Variants in RELN observed in about 807,000 individuals in gnomAD.
RELN encodes reelin.
RELN carries 108 observed loss-of-function variants against 427.6 expected under a neutral mutation model. That is an observed-to-expected ratio of 0.25 (90% confidence interval 0.22 to 0.30). The LOEUF (loss-of-function observed/expected upper bound fraction) is 0.30. Ranked by LOEUF, RELN falls within the 10% of genes least tolerant of loss-of-function variation. The pLI, the probability that RELN is intolerant of heterozygous loss-of-function variation, is 1.00. For missense variants in RELN, 3,715 were observed against 4,302.8 expected, an observed-to-expected ratio of 0.86 and a Z score of 3.82; for synonymous variants, 1,524 against 1,513.4, an observed-to-expected ratio of 1.01 and a Z score of -0.16.
chr7:103,480,883 A>AGG (rs1483987033), intron 63 of RELN, among the ~76,000 whole-genome samples: 1 of 152,238 alleles, frequency 6.6e-6, no homozygotes, highest in East Asian at 1.9e-4. Context: ...ATAATAATGC[A>AGG]GGATAAGAAC....
intron 10 of RELN, among the ~76,000 whole-genome samples, chr7:103,695,445 T>C (rs985245119): frequency 7.2e-5 from 11 of 152,132 alleles, no homozygotes; most frequent in Non-Finnish European, 1.3e-4. Flanking sequence ...AAATGTGTGA[T>C]TGGAAAGCTT....
chr7:103,813,861 TTTTA>T (rs1288325930), intron 3 of RELN, among the ~76,000 whole-genome samples: 2 of 152,196 alleles, frequency 1.3e-5, no homozygotes, highest in Non-Finnish European at 2.9e-5. Context: ...ATCTTCATTC[TTTTA>T]TTTAAAGTTT....
At chr7:103,928,958 T>G (rs1292366382) in intron 1 of RELN, among the ~76,000 whole-genome samples, 1 of 152,178 alleles carries the variant, frequency 6.6e-6, no homozygotes, top group Non-Finnish European at 1.5e-5. Context: ...TAAAGAATAT[T>G]TAGCCAATGT....
At chr7:103,735,424 G>A (rs1049488048) in intron 6 of RELN, among the ~76,000 whole-genome samples, 1 of 152,082 alleles carries the variant, frequency 6.6e-6, no homozygotes, top group Non-Finnish European at 1.5e-5. Context: ...ATTGGGCACA[G>A]AGGAAGATGA....
intron 2 of RELN, among the ~76,000 whole-genome samples, chr7:103,896,182 A>C (rs1404785558): frequency 6.6e-6 from 1 of 152,108 alleles, no homozygotes; most frequent in African/African-American, 2.4e-5. Flanking sequence ...ACACCACCGA[A>C]TGCTGAAGAC....
intron 43 of RELN, among the ~76,000 whole-genome samples, chr7:103,540,751 T>C (rs1181557892): frequency 6.6e-6 from 1 of 152,180 alleles, no homozygotes; most frequent in African/African-American, 2.4e-5. Context: ...GGCTCTTCTA[T>C]AAAAAGATGG....
chr7:103,486,200 G>C lies in RELN; in HGVS notation c.9980C>G (p.Ala3327Gly). Residue 3327 changes from alanine (A) to glycine (G), a missense_variant, in exon 61 of 65, where the codon GCA becomes GGA. By Grantham distance (60) the Ala-to-Gly change is moderately conservative (BLOSUM62 0). Around this residue, in one of 4 missense-constraint regions of RELN, gnomAD observed 195 missense variants for 281.3 expected, o/e 0.69. Transcript: ENST00000428762. The part of the protein sequence containing the change: ...AATKPLDLTR[A>G]SKIMFVLQIG... Reference sequence around the variant, plus strand: ...TAAAATATGGAGGTTTGGGTACCTTGCTCGAGTGAGATCCAGAGGCTTGGT... The same window carrying C: ...TAAAATATGGAGGTTTGGGTACCTTCCTCGAGTGAGATCCAGAGGCTTGGT... 6.2e-7 allele frequency: 1 copy of C among 1,613,128 alleles called. No homozygotes were observed. Among genetic ancestry groups the C allele is most frequent in the Non-Finnish European group, 8.5e-7 (1 of 1,179,886 alleles).
chr7:103,517,177 CTT>C (rs35531504), intron 49 of RELN, among the ~76,000 whole-genome samples: 4 of 144,278 alleles, frequency 2.8e-5, no homozygotes, highest in Non-Finnish European at 3.1e-5. Context: ...TTCCCTGCAC[CTT>C]TTTTTTTTTT....
intron 3 of RELN, among the ~76,000 whole-genome samples, chr7:103,821,388 C>T (rs148335793): frequency 1.3e-5 from 2 of 152,216 alleles, no homozygotes; most frequent in Non-Finnish European, 2.9e-5. Context: ...CAAAAGGCAT[C>T]TTGAGGGTTA....
intron 52 of RELN, among the ~76,000 whole-genome samples, chr7:103,502,125 G>A (rs1171136637): frequency 2.6e-5 from 4 of 152,172 alleles, no homozygotes; most frequent in South Asian, 2.1e-4. Context: ...CTTTGGATTC[G>A]TTCATTATAG....
chr7:103,641,999 TTTA>T (rs1299280871), intron 16 of RELN, among the ~76,000 whole-genome samples: 1 of 152,152 alleles, frequency 6.6e-6, no homozygotes. Context: ...AATTAAGAAT[TTTA>T]TTGTCATCTC....
At chr7:103,833,815 CT>C (rs1239412335) in intron 2 of RELN, 143 bp from the exon 3 acceptor site, 12 of 766,770 alleles carry the variant, frequency 1.6e-5, no homozygotes, top group Admixed American at 6.2e-5. Flanking sequence ...TAATTTTTCA[CT>C]TTTTATTGCT....
intron 22 of RELN, 31 bp from the exon 23 acceptor site, chr7:103,604,514 G>T (rs750454762): frequency 1.2e-5 from 19 of 1,613,066 alleles, no homozygotes; most frequent in Non-Finnish European, 1.6e-5. Flanking sequence ...AACAAAAACG[G>T]TTTCAACCTT....
intron 7 of RELN, among the ~76,000 whole-genome samples, chr7:103,725,957 G>C (rs781181243): frequency 5.3e-5 from 8 of 152,104 alleles, no homozygotes; most frequent in Admixed American, 2.0e-4. Context: ...AGCCTAATAA[G>C]GTTCTTTGCT....
intron 10 of RELN, among the ~76,000 whole-genome samples, chr7:103,688,327 T>A: frequency 6.6e-6 from 1 of 152,128 alleles, no homozygotes; most frequent in Non-Finnish European, 1.5e-5. Flanking sequence ...AAAGTGATAA[T>A]GCAAAGCACA....
chr7:103,986,391 TA>T (rs1797097354), intron 1 of RELN, among the ~76,000 whole-genome samples: 1 of 152,184 alleles, frequency 6.6e-6, no homozygotes, highest in African/African-American at 2.4e-5. Context: ...CCAGATTTTT[TA>T]GTACTATATA....
intron 6 of RELN, among the ~76,000 whole-genome samples, chr7:103,747,850 T>G (rs577813202): frequency 7.9e-5 from 12 of 151,594 alleles, no homozygotes; most frequent in Non-Finnish European, 1.6e-4. Context: ...AAAAGAGACA[T>G]AAAATCCATA....
intron 3 of RELN, among the ~76,000 whole-genome samples, chr7:103,805,817 C>G (rs1477761881): frequency 6.6e-6 from 1 of 152,132 alleles, no homozygotes; most frequent in Non-Finnish European, 1.5e-5. Flanking sequence ...ACAGAGGAGT[C>G]TAGAAGAATG....
intron 8 of RELN, among the ~76,000 whole-genome samples, chr7:103,703,032 A>G (rs914679680): frequency 7.2e-5 from 11 of 152,186 alleles, no homozygotes; most frequent in African/African-American, 2.7e-4. Context: ...AAGATGACCA[A>G]AAAGGCAAGG....
Sources: allele counts gnomAD v4.1 joint callset (sites outside exome capture counted in the v4.1 genomes callset), GRCh38; gene constraint gnomAD v4.1.1; regional missense constraint gnomAD v4.1.1; transcripts MANE v1.5; gene names NCBI Gene and HGNC (gene_info 2026-07-23, HGNC 2026-07-21).